The following ARID5B variants were observed in gnomAD, a reference collection of about 807,000 sequenced individuals.
ARID5B encodes AT-rich interaction domain 5B.
ARID5B carries 13 observed loss-of-function variants against 97.2 expected under a neutral mutation model. That is an observed-to-expected ratio of 0.13 (90% confidence interval 0.09 to 0.21). ARID5B has a LOEUF of 0.21. Among genes scored for constraint, ARID5B ranks in the 10% least tolerant of loss-of-function variants. The pLI, the probability that ARID5B is intolerant of heterozygous loss-of-function variation, is 1.00. For synonymous variants in ARID5B, 556 were observed against 570.3 expected, an observed-to-expected ratio of 0.97 and a Z score of 0.36; for missense variants, 1,210 against 1,465.3, an observed-to-expected ratio of 0.83 and a Z score of 2.84.
intron 8 of ARID5B, among the ~76,000 whole-genome samples, chr10:62,076,152 C>T (rs80158358): frequency 0.086 from 13,066 of 152,180 alleles, 758 homozygotes; most frequent in East Asian, 0.2. Context: ...GGAGCCACCA[C>T]GACTCATTAG....
intron 4 of ARID5B, among the ~76,000 whole-genome samples, chr10:62,042,088 C>G (rs577772341): frequency 6.6e-6 from 1 of 152,244 alleles, no homozygotes; most frequent in Non-Finnish European, 1.5e-5. Context: ...ATTTCCAGAG[C>G]AGATCCTTAA....
chr10:62,076,561 CAA>C (rs11363274), intron 8 of ARID5B, among the ~76,000 whole-genome samples: 29 of 92,668 alleles, frequency 3.1e-4, no homozygotes, highest in African/African-American at 5.3e-4. Context: ...GACTCTGTCT[CAA>C]AAAAAAAAAA....
intron 3 of ARID5B, among the ~76,000 whole-genome samples, chr10:61,976,616 C>A (rs1032183587): frequency 3.3e-5 from 5 of 152,118 alleles, no homozygotes; most frequent in African/African-American, 9.7e-5. Flanking sequence ...CAGTGCCTAA[C>A]CTTGGTGAGC....
Position 62,092,117 on chromosome 10 carries a change from C to T in ARID5B, c.2654C>T (p.Thr885Met), listed in dbSNP as rs374290098. The change falls in exon 10 of 10, where the codon ACG becomes ATG. Residue 885 changes from threonine (T) to methionine (M), a missense_variant. Physicochemically the swap from Thr to Met is moderately conservative, Grantham distance 81. Coordinates refer to ENST00000279873, the MANE Select transcript of ARID5B (RefSeq NM_032199.3). ...HQEKLHVNYL[T>M]SLHLQDKKSA... Reference sequence around the variant, plus strand: ...GAAAAGCTCCATGTAAATTATCTCACGTCCCTGCACCTGCAAGACAAAAAG... The same window carrying T: ...GAAAAGCTCCATGTAAATTATCTCATGTCCCTGCACCTGCAAGACAAAAAG... The T allele has an allele frequency of 1.9e-6, 3 of 1,610,778 alleles. No homozygotes were observed. The highest frequency in any genetic ancestry group is 1.1e-5 in the South Asian group (1 of 90,622).
At chr10:62,066,615 C>T (rs974669261) in intron 7 of ARID5B, among the ~76,000 whole-genome samples, 3 of 152,164 alleles carry the variant, frequency 2.0e-5, no homozygotes, top group Admixed American at 6.5e-5. Flanking sequence ...TAATGCCCAG[C>T]GGTGCTTGAT....
intron 4 of ARID5B, chr10:62,024,984 A>G (rs1432426931): frequency 8.1e-6 from 2 of 246,282 alleles, no homozygotes; most frequent in East Asian, 6.8e-5. Flanking sequence ...CAGGTTAAGT[A>G]TAATTCGTTT....
chr10:62,003,434 G>T (rs986851018), intron 4 of ARID5B, among the ~76,000 whole-genome samples: 5 of 152,158 alleles, frequency 3.3e-5, no homozygotes, highest in African/African-American at 1.2e-4. Context: ...TAGGGAGCAG[G>T]TTAATAACTA....
At chr10:61,999,197 G>C (rs187430029) in intron 3 of ARID5B, among the ~76,000 whole-genome samples, 2 of 152,326 alleles carry the variant, frequency 1.3e-5, no homozygotes, top group African/African-American at 2.4e-5. Context: ...CATGACCCCA[G>C]AGCAGATGGC....
At chr10:61,906,522 C>T (rs915701388) in intron 2 of ARID5B, among the ~76,000 whole-genome samples, 1 of 152,198 alleles carries the variant, frequency 6.6e-6, no homozygotes, top group African/African-American at 2.4e-5. Context: ...TCAGCCTGAC[C>T]AGCCATCGCT....
At chr10:61,950,805 C>T (rs770640877) in intron 3 of ARID5B, among the ~76,000 whole-genome samples, 7 of 152,082 alleles carry the variant, frequency 4.6e-5, no homozygotes, top group Non-Finnish European at 7.4e-5. Context: ...TTTTGTTTGC[C>T]TTCTACCTCT....
At chr10:61,966,608 C>T (rs1462202904) in intron 3 of ARID5B, among the ~76,000 whole-genome samples, 4 of 152,014 alleles carry the variant, frequency 2.6e-5, no homozygotes, top group South Asian at 2.1e-4. Context: ...CACATTTTCC[C>T]GTTGAGACTA....
chr10:61,985,878 T>A (rs1018835237), intron 3 of ARID5B, among the ~76,000 whole-genome samples: 9 of 152,040 alleles, frequency 5.9e-5, no homozygotes, highest in African/African-American at 2.2e-4. Flanking sequence ...GCTGGCGAGG[T>A]GTGTTCTGTG....
chr10:62,076,868 T>C (rs1204831179), intron 8 of ARID5B, among the ~76,000 whole-genome samples: 5 of 152,082 alleles, frequency 3.3e-5, no homozygotes, highest in African/African-American at 1.2e-4. Flanking sequence ...GGACTTGCAT[T>C]TCCTTTCCCA....
At chr10:62,024,787 A>C in intron 4 of ARID5B, 1 of 389,822 alleles carries the variant, frequency 2.6e-6, no homozygotes, top group East Asian at 3.6e-5. Flanking sequence ...TTTCCACTAG[A>C]GACGAATGAT....
In ARID5B at chr10:62,086,709, A is replaced by AAAAAAAAAAAC. The variant is rs778821864; in HGVS notation, c.1398+812_1398+813insAAAAAAACAAA. Among the ~76,000 whole-genome samples the AAAAAAAAAAAC allele has an allele frequency of 8.2e-4, 94 of 114,030 alleles. 7 individuals carry two copies. The highest frequency in any genetic ancestry group is 1.1e-3 in the East Asian group (4 of 3,806). The allele number at this position is 114,030 out of a possible 152,430, so 74.8% of individuals were successfully genotyped here. A position where few individuals can be genotyped will look rare whatever the true frequency, so the allele number is the denominator to read the frequency against. On this transcript the variant is annotated intron_variant, in intron 9 of 9. Coordinates refer to ENST00000279873, the MANE Select transcript of ARID5B (RefSeq NM_032199.3). ...CCATCTCAAAAAAAAAAAAAAAAAA[A>AAAAAAAAAAAC]AAATATCAGGCATGGTGGTGCCCCG...
chr10:62,035,326 G>C (rs893129238), intron 4 of ARID5B, among the ~76,000 whole-genome samples: 1 of 152,094 alleles, frequency 6.6e-6, no homozygotes, highest in African/African-American at 2.4e-5. Context: ...ACAGAGGGAG[G>C]CATTTGTTTA....
At chr10:61,942,338 C>T (rs924268982) in intron 3 of ARID5B, among the ~76,000 whole-genome samples, 1 of 152,088 alleles carries the variant, frequency 6.6e-6, no homozygotes, top group Non-Finnish European at 1.5e-5. Flanking sequence ...ACAGTACTTG[C>T]AGGTGGTTTG....
At chr10:62,026,793 T>C (rs1283584465) in intron 4 of ARID5B, among the ~76,000 whole-genome samples, 1 of 152,198 alleles carries the variant, frequency 6.6e-6, no homozygotes, top group African/African-American at 2.4e-5. Context: ...TGATTATGTC[T>C]CTTTCACTCC....
At chr10:62,084,453 A>G (rs1589290941) in intron 8 of ARID5B, among the ~76,000 whole-genome samples, 1 of 152,332 alleles carries the variant, frequency 6.6e-6, no homozygotes, top group East Asian at 1.9e-4. Flanking sequence ...AATAATCAGG[A>G]TCCCCAATAT....
Sources: gnomAD v4.1 joint callset for allele counts (sites outside exome capture counted in the v4.1 genomes callset) on GRCh38, gnomAD v4.1.1 for gene constraint, MANE v1.5 for transcripts, NCBI Gene and HGNC (gene_info 2026-07-23, HGNC 2026-07-21) for gene names.